Variants in FAM167A observed in about 807,000 individuals in gnomAD.
FAM167A encodes protein FAM167A.
A neutral mutation model predicts 14.9 loss-of-function variants in FAM167A; 23 were observed. The ratio of observed to expected loss-of-function variants is 1.55; its 90% CI spans 1.11 to 2.19. The LOEUF is 2.19. FAM167A is among the 30% of genes most tolerant of loss of function. The pLI is 0.00. For synonymous variants in FAM167A, 174 were observed against 117.7 expected, an observed-to-expected ratio of 1.48 and a Z score of -3.10; for missense variants, 401 against 281.5, an observed-to-expected ratio of 1.42 and a Z score of -3.04.
At chr8:11,463,844 G>A (rs1426488886) in intron 1 of FAM167A, among the ~76,000 whole-genome samples, 2 of 152,236 alleles carry the variant, frequency 1.3e-5, no homozygotes, top group African/African-American at 4.8e-5. Context: ...GGCACCCGAG[G>A]GACCTTCTGG....
In FAM167A at chr8:11,444,232, G is replaced by A. The variant is rs1283626966; in HGVS notation, c.180C>T (p.Phe60=). 3 of 1,611,858 alleles carry A rather than the reference G, an allele frequency of 1.9e-6. No homozygotes were observed. In the East Asian group the frequency reaches 6.7e-5, roughly 36 times the overall value. The change falls in exon 2 of 3, where the codon TTC becomes TTT. Residue 60 remains phenylalanine (F), a synonymous_variant. Transcript: ENST00000284486. The part of the protein sequence containing the change: ...QARLEEHTWP[F]PRPAAEPQAS... ...CCTGTGGCTCCGCAGCCGGCCTCGGGAAGGGCCAGGTATGCTCCTCCAGCC... is the reference window on the plus strand; with the variant it reads ...CCTGTGGCTCCGCAGCCGGCCTCGGAAAGGGCCAGGTATGCTCCTCCAGCC...
At position 11,421,663 on chromosome 8, in the gene FAM167A, C is replaced by T. The variant is rs775531939; in HGVS notation, c.*2710G>A. ...GCATCGTCAAGCCTGCCCAGGCCCT[C>T]CAGGCCTCTTTGATAGCTACTGAGC... On this transcript the variant is annotated 3_prime_UTR_variant, in exon 3 of 3. Transcript: ENST00000284486. The T allele has an allele frequency of 5.0e-6, 2 of 398,938 alleles. No homozygotes were observed. Among genetic ancestry groups the T allele is most frequent in the Non-Finnish European group, 8.8e-6 (2 of 226,068 alleles). 24.7% of individuals were successfully genotyped at this position (398,938 alleles called of 1,614,324 possible).
rs1278252654 is a variant in FAM167A at position 11,446,206 on chromosome 8, G to A, written c.-397-1398C>T. On this transcript the variant is annotated intron_variant, in intron 1 of 2. Coordinates refer to ENST00000284486, the MANE Select transcript of FAM167A (RefSeq NM_053279.3). ...TTCCTCTCCGACATGGCACGCAGAC[G>A]CTTAAGAAAGGAGAGCAGAACTTTC... 4.6e-5 allele frequency among the ~76,000 whole-genome samples: 7 copies of A among 152,140 alleles called. No individual in the cohort carries two copies. In the South Asian group the frequency reaches 8.3e-4, roughly 18 times the overall value.
chr8:11,428,443 C>G (rs991834259), intron 2 of FAM167A, among the ~76,000 whole-genome samples: 1 of 152,238 alleles, frequency 6.6e-6, no homozygotes, highest in African/African-American at 2.4e-5. Flanking sequence ...TGTGCACATG[C>G]ATTCAATTCT....
intron 1 of FAM167A, among the ~76,000 whole-genome samples, chr8:11,453,410 A>C (rs961103359): frequency 2.6e-5 from 4 of 152,250 alleles, no homozygotes; most frequent in African/African-American, 9.6e-5. Context: ...AGGCACTATA[A>C]GGAGATAGCA....
chr8:11,421,654 C>G lies in FAM167A; in HGVS notation c.*2719G>C, dbSNP rs904999568. 2.5e-6 allele frequency: 1 copy of G among 398,686 alleles called. No homozygotes were observed. Among genetic ancestry groups the G allele is most frequent in the South Asian group, 1.3e-4 (1 of 7,698 alleles). The allele number at this position is 398,686 out of a possible 1,614,324, so 24.7% of individuals were successfully genotyped here. The stretch of plus-strand genomic sequence containing the variant: ...CTCGGTCAGGCATCGTCAAGCCTGC[C>G]CAGGCCCTCCAGGCCTCTTTGATAG... On this transcript the variant is annotated 3_prime_UTR_variant, in exon 3 of 3. Coordinates refer to ENST00000284486, the MANE Select transcript of FAM167A (RefSeq NM_053279.3).
Position 11,445,116 on chromosome 8 carries a change from A to T in FAM167A, c.-397-308T>A, listed in dbSNP as rs987811000. 3 of 983,396 alleles carry T rather than the reference A, an allele frequency of 3.1e-6. No homozygotes were observed. In the African/African-American group the frequency reaches 5.2e-5, roughly 17 times the overall value. The allele number at this position is 983,396 out of a possible 1,614,324, so 60.9% of individuals were successfully genotyped here. On this transcript the variant is annotated intron_variant, in intron 1 of 2. Coordinates refer to ENST00000284486, the MANE Select transcript of FAM167A (RefSeq NM_053279.3). ...TTTATTCTCATTTCACACACGAGGAACCCACATATCCTAGAAGTTAAATGA... is the reference window on the plus strand; with the variant it reads ...TTTATTCTCATTTCACACACGAGGATCCCACATATCCTAGAAGTTAAATGA...
Position 11,421,616 on chromosome 8 carries a change from T to A in FAM167A, c.*2757A>T, listed in dbSNP as rs537421526. ...AATAGCACTTGGTATTGCTACAGGG[T>A]GTGGGTCTTGAACTCGGTCAGGCAT... On this transcript the variant is annotated 3_prime_UTR_variant, in exon 3 of 3. Transcript: ENST00000284486. The A allele has an allele frequency of 1.5e-5, 6 of 398,468 alleles. No individual in the cohort carries two copies. The Admixed American group carries it at 1.8e-4, about 12-fold the overall frequency. The allele number at this position is 398,468 out of a possible 1,614,324, so 24.7% of individuals were successfully genotyped here.
At chr8:11,464,072 C>T (rs971100703) in intron 1 of FAM167A, among the ~76,000 whole-genome samples, 1 of 152,108 alleles carries the variant, frequency 6.6e-6, no homozygotes, top group Non-Finnish European at 1.5e-5. Context: ...AAAGTCCTCT[C>T]GAGAGTGGCT....
Position 11,451,305 on chromosome 8 carries a change from G to T in FAM167A, c.-397-6497C>A, listed in dbSNP as rs1054925464. 2.0e-5 allele frequency among the ~76,000 whole-genome samples: 3 copies of T among 152,360 alleles called. No individual in the cohort carries two copies. In the East Asian group the frequency reaches 5.8e-4, roughly 29 times the overall value. ...ATCACAGCCCAGTGGCAAGGAGCTG[G>T]GGGCCCGCAGCTGGGCCCCGTGGGA... On this transcript the variant is annotated intron_variant, in intron 1 of 2. Coordinates refer to ENST00000284486, the MANE Select transcript of FAM167A (RefSeq NM_053279.3).
intron 1 of FAM167A, among the ~76,000 whole-genome samples, chr8:11,446,913 G>A (rs2117099967): frequency 6.6e-6 from 1 of 152,320 alleles, no homozygotes; most frequent in South Asian, 2.1e-4. Context: ...CCTGGCAGGG[G>A]AGCTCTGATT....
intron 1 of FAM167A, among the ~76,000 whole-genome samples, chr8:11,463,864 A>C (rs561010645): frequency 1.6e-4 from 25 of 152,266 alleles, no homozygotes; most frequent in Non-Finnish European, 2.9e-4. Flanking sequence ...GAAATTCCTC[A>C]GTGAAGAGAG....
intron 2 of FAM167A, chr8:11,435,091 A>T (rs1198731549): frequency 2.2e-6 from 1 of 456,604 alleles, no homozygotes; most frequent in Non-Finnish European, 4.4e-6. Context: ...TGCTTCTTCA[A>T]ATCTTTCAAA....
intron 1 of FAM167A, chr8:11,445,623 G>T: frequency 2.0e-6 from 2 of 985,062 alleles, no homozygotes; most frequent in Non-Finnish European, 2.4e-6. Flanking sequence ...CCCATCTCCA[G>T]AGAGGAGGCA....
intron 2 of FAM167A, among the ~76,000 whole-genome samples, chr8:11,429,430 T>TC (rs1311450221): frequency 6.6e-6 from 1 of 152,132 alleles, no homozygotes; most frequent in East Asian, 1.9e-4. Context: ...CTGGAGTGCC[T>TC]CCTCCTGTTT....
intron 1 of FAM167A, among the ~76,000 whole-genome samples, chr8:11,453,681 C>T (rs2117119318): frequency 6.6e-6 from 1 of 152,294 alleles, no homozygotes; most frequent in Admixed American, 6.5e-5. Context: ...TCTACTCAAA[C>T]AGAACAAAGC....
At chr8:11,475,835 C>A (rs1246446054) in intron 1 of FAM167A, among the ~76,000 whole-genome samples, 1 of 152,166 alleles carries the variant, frequency 6.6e-6, no homozygotes, top group Non-Finnish European at 1.5e-5. Context: ...GTTTCCCTAT[C>A]ACCTGGGACA....
intron 2 of FAM167A, among the ~76,000 whole-genome samples, chr8:11,435,686 G>C (rs1458643411): frequency 6.6e-6 from 1 of 152,170 alleles, no homozygotes; most frequent in Non-Finnish European, 1.5e-5. Flanking sequence ...CTGGTTCAAA[G>C]TCCTTCTCTT....
In FAM167A at chr8:11,462,618, C is replaced by T. The variant is rs574282484; in HGVS notation, c.-398+4008G>A. 6.6e-5 allele frequency among the ~76,000 whole-genome samples: 10 copies of T among 152,306 alleles called. 1 individual carries two copies. Among genetic ancestry groups the T allele is most frequent in the South Asian group, 6.2e-4 (3 of 4,826 alleles). Reference sequence around the variant, plus strand: ...CCAGACTGCACGCTCCCTGAGGGCACGGCCTTCACCTTCTGCTTCCTTGGT... The same window carrying T: ...CCAGACTGCACGCTCCCTGAGGGCATGGCCTTCACCTTCTGCTTCCTTGGT... On this transcript the variant is annotated intron_variant, in intron 1 of 2. Coordinates refer to ENST00000284486, the MANE Select transcript of FAM167A (RefSeq NM_053279.3).
Sources: gnomAD v4.1 joint callset for allele counts (sites outside exome capture counted in the v4.1 genomes callset) on GRCh38, gnomAD v4.1.1 for gene constraint, MANE v1.5 for transcripts, NCBI Gene and HGNC (gene_info 2026-07-23, HGNC 2026-07-21) for gene names.